The following OPCML variants were observed in gnomAD, a reference collection of about 807,000 sequenced individuals.
OPCML encodes opioid-binding protein/cell adhesion molecule.
OPCML carries 13 observed loss-of-function variants against 37.8 expected under a neutral mutation model. The observed-to-expected ratio is 0.34, with a 90% CI of 0.22 to 0.55. OPCML has a LOEUF of 0.55. OPCML is among the 20% of genes least tolerant of loss of function. The pLI is 0.91. For synonymous variants in OPCML, 176 were observed against 168.8 expected, an observed-to-expected ratio of 1.04 and a Z score of -0.33; for missense variants, 341 against 435.6, an observed-to-expected ratio of 0.78 and a Z score of 1.93.
At chr11:132,717,131 T>C (rs533411582) in intron 2 of OPCML, among the ~76,000 whole-genome samples, 3 of 152,290 alleles carry the variant, frequency 2.0e-5, no homozygotes, top group East Asian at 1.9e-4. Flanking sequence ...GGAAGGGCCC[T>C]GTTGAATTGG....
intron 4 of OPCML, among the ~76,000 whole-genome samples, chr11:132,439,274 C>T (rs2096023796): frequency 6.6e-6 from 1 of 152,132 alleles, no homozygotes; most frequent in African/African-American, 2.4e-5. Flanking sequence ...CCCACATGCT[C>T]CCAGCCTAGG....
chr11:132,949,959 A>G (rs1445395652), intron 1 of OPCML, among the ~76,000 whole-genome samples: 2 of 152,132 alleles, frequency 1.3e-5, no homozygotes, highest in African/African-American at 4.8e-5. Flanking sequence ...CTCTCTGAAG[A>G]GGGAGCATTT....
intron 7 of OPCML, among the ~76,000 whole-genome samples, chr11:132,432,232 G>A (rs537969903): frequency 6.6e-6 from 1 of 152,276 alleles, no homozygotes; most frequent in South Asian, 2.1e-4. Flanking sequence ...CACTAAGGGT[G>A]ATAAAAAAGG....
At chr11:132,633,001 T>C (rs1283622398) in intron 3 of OPCML, among the ~76,000 whole-genome samples, 2 of 150,114 alleles carry the variant, frequency 1.3e-5, no homozygotes. Context: ...GAGTGCCTCA[T>C]GACAAGTGAG....
intron 2 of OPCML, among the ~76,000 whole-genome samples, chr11:132,699,310 ACTT>A (rs1591747679): frequency 2.0e-5 from 3 of 152,126 alleles, no homozygotes; most frequent in Non-Finnish European, 2.9e-5. Flanking sequence ...AGACAATTTT[ACTT>A]CTTCTTTTCC....
intron 2 of OPCML, among the ~76,000 whole-genome samples, chr11:132,865,037 G>A (rs1398645762): frequency 6.6e-6 from 1 of 152,226 alleles, no homozygotes; most frequent in Non-Finnish European, 1.5e-5. Flanking sequence ...AAGTCAGGCC[G>A]CTTTGCTGCA....
intron 5 of OPCML, 143 bp from the exon 6 acceptor site, chr11:132,436,922 T>C: frequency 6.9e-7 from 1 of 1,447,248 alleles, no homozygotes; most frequent in Non-Finnish European, 9.1e-7. Flanking sequence ...AGTAAAATAA[T>C]CATTTATTTC....
chr11:132,942,489 T>C (rs1945611331), intron 2 of OPCML, among the ~76,000 whole-genome samples: 1 of 152,174 alleles, frequency 6.6e-6, no homozygotes. Context: ...AGCCTCACAT[T>C]TGAGGTGCAT....
chr11:132,657,381 A>G (rs1336935462), intron 2 of OPCML, 62 bp from the exon 3 acceptor site: 1 of 1,568,830 alleles, frequency 6.4e-7, no homozygotes, highest in Admixed American at 1.8e-5. Flanking sequence ...TGGAGAGATT[A>G]TATAATATGG....
chr11:133,457,170 A>G (rs887324467), intron 1 of OPCML, among the ~76,000 whole-genome samples: 4 of 152,132 alleles, frequency 2.6e-5, no homozygotes, highest in Admixed American at 1.3e-4. Context: ...ATTTCTCAGC[A>G]AAAAAACTTA....
intron 2 of OPCML, among the ~76,000 whole-genome samples, chr11:132,856,574 G>C (rs559148631): frequency 2.0e-5 from 3 of 152,128 alleles, no homozygotes; most frequent in Non-Finnish European, 4.4e-5. Flanking sequence ...GTAGCTTCCC[G>C]ATAAGCTCTC....
intron 1 of OPCML, among the ~76,000 whole-genome samples, chr11:133,479,392 G>C (rs1169491197): frequency 6.6e-6 from 1 of 152,180 alleles, no homozygotes; most frequent in Non-Finnish European, 1.5e-5. Flanking sequence ...TTCTTGGGGT[G>C]GGCTCAGCCC....
intron 3 of OPCML, among the ~76,000 whole-genome samples, chr11:132,650,000 G>A (rs966626036): frequency 7.9e-5 from 12 of 151,908 alleles, no homozygotes; most frequent in South Asian, 6.2e-4. Context: ...CACTCACACA[G>A]TTTTTATAGG....
intron 1 of OPCML, among the ~76,000 whole-genome samples, chr11:133,048,565 C>T (rs900378611): frequency 1.3e-5 from 2 of 152,124 alleles, no homozygotes; most frequent in East Asian, 3.9e-4. Flanking sequence ...CTTTGTGTTG[C>T]CTTGAGAAGA....
intron 3 of OPCML, among the ~76,000 whole-genome samples, chr11:132,622,344 C>G (rs1409323412): frequency 6.6e-6 from 1 of 151,728 alleles, no homozygotes; most frequent in East Asian, 1.9e-4. Flanking sequence ...TACAAAAGAG[C>G]AAACATGAAA....
At chr11:133,196,463 T>A (rs977623216) in intron 1 of OPCML, among the ~76,000 whole-genome samples, 8 of 152,302 alleles carry the variant, frequency 5.3e-5, no homozygotes, top group Admixed American at 5.2e-4. Flanking sequence ...AGACAAAATC[T>A]AAGCCCCTTG....
intron 1 of OPCML, among the ~76,000 whole-genome samples, chr11:133,041,800 C>G (rs1338890136): frequency 6.6e-6 from 1 of 152,154 alleles, no homozygotes. Context: ...CACAGCATTT[C>G]TGACATCACT....
chr11:132,483,906 A>G (rs531204952), intron 4 of OPCML, among the ~76,000 whole-genome samples: 1 of 152,184 alleles, frequency 6.6e-6, no homozygotes, highest in East Asian at 1.9e-4. Context: ...CACCTTATAC[A>G]AAAATCAATT....
intron 3 of OPCML, among the ~76,000 whole-genome samples, chr11:132,642,492 C>T (rs568608835): frequency 6.6e-6 from 1 of 152,228 alleles, no homozygotes; most frequent in South Asian, 2.1e-4. Flanking sequence ...CATTGTTATC[C>T]ACAAAATCTA....
Sources: allele counts gnomAD v4.1 joint callset (sites outside exome capture counted in the v4.1 genomes callset), GRCh38; gene constraint gnomAD v4.1.1; transcripts MANE v1.5; gene names NCBI Gene and HGNC (gene_info 2026-07-23, HGNC 2026-07-21).